The following HEG1 variants were observed in gnomAD, a reference collection of about 807,000 sequenced individuals.
HEG1 encodes the protein protein HEG homolog 1.
Under a neutral mutation model 125.6 loss-of-function variants are expected in HEG1, and 56 were observed. The ratio of observed to expected loss-of-function variants is 0.45; its 90% confidence interval spans 0.36 to 0.56. The LOEUF (loss-of-function observed/expected upper bound fraction) is 0.56, where lower values mean the gene tolerates loss of function less well. Ranked by LOEUF, HEG1 falls within the 20% of genes least tolerant of loss-of-function variation. HEG1 has a pLI of 0.00. For synonymous variants in HEG1, 644 were observed against 668.5 expected (o/e 0.96, Z 0.57); for missense variants, 1,523 against 1,670.0 (o/e 0.91, Z 1.53).
chr3:124,987,762 C>T (rs991558861), intron 14 of HEG1, among the ~76,000 whole-genome samples: 28 of 150,606 alleles, frequency 1.9e-4, no homozygotes, highest in Admixed American at 2.7e-4. Context: ...CCTCGTGATC[C>T]GCCCGCCTCG....
rs973399624 is a variant in HEG1, at chr3:124,970,276, C to T, written c.*376G>A. On this transcript the variant is annotated 3_prime_UTR_variant, in exon 17 of 17. Coordinates refer to ENST00000311127, the MANE Select transcript of HEG1 (RefSeq NM_020733.2). ...TTTCTGGAACAGTCTCAAAACAGAT[C>T]CAAAAGGAAACCTCCCACCCAATTT... 8.6e-5 allele frequency: 15 copies of T among 175,160 alleles called. No homozygotes were observed. The highest frequency in any genetic ancestry group is 4.7e-4 in the Admixed American group (8 of 16,934). The allele number at this position is 175,160 out of a possible 1,614,324, so 10.9% of individuals were successfully genotyped here.
intron 14 of HEG1, among the ~76,000 whole-genome samples, chr3:124,983,207 A>G (rs1189955749): frequency 6.6e-6 from 1 of 152,176 alleles, no homozygotes; most frequent in Non-Finnish European, 1.5e-5. Context: ...ACCTTCCTTT[A>G]AGATTCTTGA....
chr3:124,974,886 T>C lies in HEG1; in HGVS notation c.3822-981A>G, dbSNP rs1579392969. Reference sequence around the variant, plus strand: ...TGCCACTGTGTTGCTTCCTGGTGGGTGGGGTACCTGGGCTCAGACAATGAC... The same window carrying C: ...TGCCACTGTGTTGCTTCCTGGTGGGCGGGGTACCTGGGCTCAGACAATGAC... On this transcript the variant is annotated intron_variant, in intron 15 of 16. Coordinates refer to ENST00000311127, the MANE Select transcript of HEG1 (RefSeq NM_020733.2). 5.9e-5 allele frequency among the ~76,000 whole-genome samples: 9 copies of C among 152,238 alleles called. No individual in the cohort carries two copies. The South Asian group carries it at 1.7e-3, about 28-fold the overall frequency.
rs755266329 is a variant in HEG1 at position 125,021,145 on chromosome 3, G to A, written c.914-15C>T. On this transcript the variant is annotated splice_polypyrimidine_tract_variant and intron_variant, in intron 3 of 16. Coordinates refer to ENST00000311127, the MANE Select transcript of HEG1 (RefSeq NM_020733.2). ...ACTTTCAGAAGCTACAATGGAAAAA[G>A]ATATGCTTCAAAATTACTCAGGAGT... 23 of 1,522,652 alleles carry A rather than the reference G, an allele frequency of 1.5e-5. No homozygotes were observed. The highest frequency in any genetic ancestry group is 2.0e-5 in the Non-Finnish European group (23 of 1,126,726). The allele number at this position is 1,522,652 out of a possible 1,614,324, so 94.3% of individuals were successfully genotyped here. A position where few individuals can be genotyped will look rare whatever the true frequency, so the allele number is the denominator to read the frequency against.
intron 1 of HEG1, among the ~76,000 whole-genome samples, chr3:125,051,520 T>A (rs1267290335): frequency 2.0e-5 from 3 of 152,254 alleles, no homozygotes; most frequent in African/African-American, 7.2e-5. Flanking sequence ...GGCTACTGTT[T>A]CCAGAACTGT....
chr3:125,037,617 C>A (rs759705161), intron 1 of HEG1, among the ~76,000 whole-genome samples: 1 of 152,226 alleles, frequency 6.6e-6, no homozygotes, highest in Admixed American at 6.5e-5. Flanking sequence ...ACCAAATACA[C>A]CCTTGGTTAG....
At chr3:125,035,716 C>CA (rs899782724) in intron 1 of HEG1, among the ~76,000 whole-genome samples, 11 of 150,380 alleles carry the variant, frequency 7.3e-5, no homozygotes, top group East Asian at 3.9e-4. Context: ...ATATAATGAG[C>CA]AAAAAAAATA....
In HEG1 at chr3:125,055,960, C is replaced by CA. The variant is rs1560039689; in HGVS notation, c.-71_-70insT. On this transcript the variant is annotated 5_prime_UTR_variant, in exon 1 of 17. Transcript: ENST00000311127. ...AGGGCAGCGGGCAGCGGGCAGCGGG[C>CA]GGCGGGGGCCGCGCGGGGCCGGGGA... is the stretch of plus-strand genomic sequence containing the variant. 5 of 852,878 alleles carry CA rather than the reference C, an allele frequency of 5.9e-6. No homozygotes were observed. The highest frequency in any genetic ancestry group is 3.7e-5 in the African/African-American group (2 of 53,996). The allele number at this position is 852,878 out of a possible 1,614,324, so 52.8% of individuals were successfully genotyped here.
intron 1 of HEG1, among the ~76,000 whole-genome samples, chr3:125,033,707 A>T (rs1937519849): frequency 6.6e-6 from 1 of 152,094 alleles, no homozygotes; most frequent in Non-Finnish European, 1.5e-5. Flanking sequence ...GGACCTCCAA[A>T]CCCAGGACAT....
Position 125,009,744 on chromosome 3 carries a change from G to C in HEG1, c.3154C>G (p.Pro1052Ala). The C allele has an allele frequency of 6.2e-7, 1 of 1,613,472 alleles. No individual in the cohort carries two copies. The highest frequency in any genetic ancestry group is 8.5e-7 in the Non-Finnish European group (1 of 1,179,544). The change falls in exon 8 of 17, where the codon CCG (proline) becomes GCG (alanine). Residue 1052 changes from proline to alanine, a missense_variant. Pro to Ala is a conservative substitution (Grantham distance 27, BLOSUM62 -1). Coordinates refer to ENST00000311127, the MANE Select transcript of HEG1 (RefSeq NM_020733.2). ...CCTTTTTCCAACTGGTACCCAACCG[G>C]GCATTTGCAGATAAAGGATCCCTGA... ...NTQGSFICKCPVGYQLEKGIC... is the reference protein window; with the variant it reads ...NTQGSFICKCAVGYQLEKGIC...
chr3:124,980,219 G>T, intron 14 of HEG1, among the ~76,000 whole-genome samples: 1 of 152,172 alleles, frequency 6.6e-6, no homozygotes, highest in East Asian at 1.9e-4. Flanking sequence ...CCTGTGCCCA[G>T]TCTTGTCCAC....
rs544557590 is a variant in HEG1 at position 124,970,471 on chromosome 3, C to T, written c.*181G>A. The T allele has an allele frequency of 1.4e-5, 8 of 590,484 alleles. No individual in the cohort carries two copies. The African/African-American group carries it at 1.5e-4, about 11-fold the overall frequency. The allele number at this position is 590,484 out of a possible 1,614,324, so 36.6% of individuals were successfully genotyped here. A position where few individuals can be genotyped will look rare whatever the true frequency, so the allele number is the denominator to read the frequency against. On this transcript the variant is annotated 3_prime_UTR_variant, in exon 17 of 17. Coordinates refer to ENST00000311127, the MANE Select transcript of HEG1 (RefSeq NM_020733.2). Reference sequence around the variant, plus strand: ...AACAACAAAGGTGCTGAATGAGCAGCCTGTGGTTCCACATCCACCTGTCTC... The same window carrying T: ...AACAACAAAGGTGCTGAATGAGCAGTCTGTGGTTCCACATCCACCTGTCTC...
intron 2 of HEG1, 133 bp downstream of exon 2, chr3:125,029,062 G>A: frequency 1.1e-6 from 1 of 916,484 alleles, no homozygotes; most frequent in Admixed American, 2.5e-5. Context: ...TAAGTCACAG[G>A]TCTGACCCAC....
chr3:124,988,768 T>C (rs943182874), intron 14 of HEG1, among the ~76,000 whole-genome samples: 2 of 152,066 alleles, frequency 1.3e-5, no homozygotes, highest in Non-Finnish European at 2.9e-5. Flanking sequence ...AATACAAAAA[T>C]TAGCTAGGTG....
At chr3:125,042,076 A>C (rs968324167) in intron 1 of HEG1, among the ~76,000 whole-genome samples, 4 of 152,250 alleles carry the variant, frequency 2.6e-5, no homozygotes, top group African/African-American at 9.6e-5. Flanking sequence ...CTGTATACTT[A>C]AAAATGGTTA....
chr3:125,030,494 T>C (rs1188245903), intron 1 of HEG1, among the ~76,000 whole-genome samples: 1 of 152,238 alleles, frequency 6.6e-6, no homozygotes, highest in Non-Finnish European at 1.5e-5. Flanking sequence ...CAGTAGACAG[T>C]ATCCACAAGA....
intron 14 of HEG1, among the ~76,000 whole-genome samples, chr3:124,983,098 T>C (rs1936680901): frequency 6.6e-6 from 1 of 152,164 alleles, no homozygotes. Flanking sequence ...TTCCTCCACT[T>C]CCTTGGTTCC....
In HEG1 at chr3:124,976,977, T is replaced by C. The variant is rs181918597; in HGVS notation, c.3821+882A>G. On this transcript the variant is annotated intron_variant, in intron 15 of 16. Transcript: ENST00000311127. ...TTGATATGGTTCGGCTATGTCCCCA[T>C]CCAAATCTCATCTTGAATTCCCACG... 2.4e-3 allele frequency among the ~76,000 whole-genome samples: 367 copies of C among 152,242 alleles called. 6 individuals carry two copies. The highest frequency in any genetic ancestry group is 3.6e-3 in the African/African-American group (148 of 41,548).
At chr3:125,019,133 G>A (rs1327063736) in intron 5 of HEG1, 129 bp downstream of exon 5, 7 of 732,476 alleles carry the variant, frequency 9.6e-6, no homozygotes, top group Non-Finnish European at 1.6e-5. Flanking sequence ...CTCCCAAAGT[G>A]CTGGGATTAC....
Sources: allele counts gnomAD v4.1 joint callset (sites outside exome capture counted in the v4.1 genomes callset), GRCh38; gene constraint gnomAD v4.1.1; transcripts MANE v1.5; gene names NCBI Gene and HGNC (gene_info 2026-07-23, HGNC 2026-07-21).